The following KAZN variants were observed in gnomAD, a reference collection of about 807,000 sequenced individuals.
KAZN encodes the protein kazrin.
A neutral mutation model predicts 87.4 loss-of-function variants in KAZN; 40 were observed. The ratio of observed to expected loss-of-function variants is 0.46; its 90% CI spans 0.36 to 0.60. KAZN has a LOEUF of 0.60. KAZN is among the 20% of genes least tolerant of loss of function. KAZN has a pLI of 0.00. For missense variants in KAZN, 898 were observed against 1,073.9 expected, an observed-to-expected ratio of 0.84 and a Z score of 2.29; for synonymous variants, 466 against 458.3, an observed-to-expected ratio of 1.02 and a Z score of -0.22.
chr1:13,972,334 C>T (rs557144366), intron 1 of KAZN, among the ~76,000 whole-genome samples: 6 of 147,206 alleles, frequency 4.1e-5, no homozygotes, highest in African/African-American at 7.6e-5. Flanking sequence ...AGTGCAGTGG[C>T]GCTATCTTGG....
At chr1:13,972,561 C>T (rs765176973) in intron 1 of KAZN, among the ~76,000 whole-genome samples, 8 of 152,156 alleles carry the variant, frequency 5.3e-5, no homozygotes, top group Non-Finnish European at 1.0e-4. Flanking sequence ...ATTTCTATAA[C>T]ACCAGGATTA....
intron 2 of KAZN, among the ~76,000 whole-genome samples, chr1:14,533,363 CA>C (rs1368627049): frequency 6.6e-6 from 1 of 152,186 alleles, no homozygotes; most frequent in Non-Finnish European, 1.5e-5. Context: ...TAGTTAAAGG[CA>C]GCAGAAACTT....
At chr1:14,632,924 AT>A (rs771100638) in intron 1 of KAZN, among the ~76,000 whole-genome samples, 6 of 114,060 alleles carry the variant, frequency 5.3e-5, no homozygotes, top group South Asian at 5.6e-4. Context: ...CACTTTATTT[AT>A]TTTTTTTTTG....
At chr1:14,131,282 A>G (rs10754910) in intron 1 of KAZN, among the ~76,000 whole-genome samples, 86,871 of 152,068 alleles carry the variant, frequency 0.57, 26,063 homozygotes, top group East Asian at 0.76. Context: ...ATGAGATTTG[A>G]GTGGGGACAC....
intron 2 of KAZN, among the ~76,000 whole-genome samples, chr1:14,306,832 AC>A (rs1654964834): frequency 2.6e-5 from 4 of 152,290 alleles, no homozygotes; most frequent in Non-Finnish European, 5.9e-5. Context: ...ACCTACAGAG[AC>A]GCCTTCACAA....
At chr1:14,764,500 C>T (rs1644835896) in intron 1 of KAZN, among the ~76,000 whole-genome samples, 5 of 142,710 alleles carry the variant, frequency 3.5e-5, no homozygotes, top group African/African-American at 1.4e-4. Flanking sequence ...CGCCCCTCTG[C>T]CCCCCCATAG....
chr1:14,577,115 T>C (rs1675240001), intron 2 of KAZN, among the ~76,000 whole-genome samples: 1 of 152,234 alleles, frequency 6.6e-6, no homozygotes, highest in Non-Finnish European at 1.5e-5. Flanking sequence ...ACATTTCTTT[T>C]AAGGTTTGTC....
Position 15,094,732 on chromosome 1 carries a change from C to G in KAZN, c.1429-83C>G, listed in dbSNP as rs866957440. 9.3e-6 allele frequency: 9 copies of G among 969,016 alleles called. No individual in the cohort carries two copies. The Middle Eastern group carries it at 9.1e-4, about 98-fold the overall frequency. 60.0% of individuals were successfully genotyped at this position (969,016 alleles called of 1,614,324 possible). On this transcript the variant is annotated intron_variant, in intron 9 of 14. Transcript: ENST00000376030. The surrounding 1 kb of genome is among the most constrained non-coding windows in gnomAD (Gnocchi z 4.5). Reference sequence around the variant, plus strand: ...GGTGGGCAGGAGATGGGGAAGGAGCCCCATGTCAACAGACCCCCTCTAGGG... The same window carrying G: ...GGTGGGCAGGAGATGGGGAAGGAGCGCCATGTCAACAGACCCCCTCTAGGG...
intron 1 of KAZN, among the ~76,000 whole-genome samples, chr1:14,002,749 G>C (rs1226713567): frequency 6.6e-6 from 1 of 152,204 alleles, no homozygotes; most frequent in Non-Finnish European, 1.5e-5. Context: ...CTTTTACGCT[G>C]TTGGTGGGAA....
At chr1:14,217,093 A>G (rs1646973481) in intron 2 of KAZN, among the ~76,000 whole-genome samples, 1 of 152,108 alleles carries the variant, frequency 6.6e-6, no homozygotes, top group Non-Finnish European at 1.5e-5. Flanking sequence ...GCTCTTATAA[A>G]AGGGAAAGTT....
At position 15,092,038 on chromosome 1, in the gene KAZN, T is replaced by A. The variant is rs533624265; in HGVS notation, c.1223-2142T>A. On this transcript the variant is annotated intron_variant, in intron 8 of 14. Coordinates refer to ENST00000376030, the MANE Select transcript of KAZN (RefSeq NM_201628.3). ...TATTGAATTTCAGCAGGGTCATTTC[T>A]AATCAGAGGTTTTGTTTTTTTGTTT... 1.1e-4 allele frequency among the ~76,000 whole-genome samples: 16 copies of A among 151,016 alleles called. No individual in the cohort carries two copies. In the South Asian group the frequency reaches 3.4e-3, roughly 32 times the overall value.
At chr1:14,577,818 GA>G (rs1375199035) in intron 2 of KAZN, among the ~76,000 whole-genome samples, 3 of 152,166 alleles carry the variant, frequency 2.0e-5, no homozygotes, top group African/African-American at 7.2e-5. Flanking sequence ...AACCCTAGGA[GA>G]GGCAAGGCCA....
chr1:14,905,207 C>T (rs1000406902), intron 1 of KAZN, among the ~76,000 whole-genome samples: 5 of 152,174 alleles, frequency 3.3e-5, no homozygotes, highest in Non-Finnish European at 7.3e-5. Context: ...TACAGGCACA[C>T]ACCACATGCT....
intron 1 of KAZN, among the ~76,000 whole-genome samples, chr1:14,679,791 T>A (rs1405774406): frequency 6.6e-6 from 1 of 152,052 alleles, no homozygotes; most frequent in African/African-American, 2.4e-5. Context: ...CGGATAGGCA[T>A]CAGGTTTTGA....
chr1:14,280,179 G>A (rs1440321556), intron 2 of KAZN, among the ~76,000 whole-genome samples: 5 of 151,640 alleles, frequency 3.3e-5, no homozygotes, highest in Non-Finnish European at 4.4e-5. Context: ...TGGCTAACAC[G>A]GTGAAGCCCC....
At chr1:13,898,108 G>C (rs530323963) in intron 1 of KAZN, among the ~76,000 whole-genome samples, 3 of 152,336 alleles carry the variant, frequency 2.0e-5, no homozygotes, top group Admixed American at 1.3e-4. Context: ...GTAATATTCA[G>C]AAACATACAG....
intron 2 of KAZN, among the ~76,000 whole-genome samples, chr1:14,277,192 C>A (rs754773127): frequency 3.3e-5 from 5 of 152,084 alleles, no homozygotes; most frequent in Non-Finnish European, 5.9e-5. Context: ...AACGTATGGC[C>A]AATTGTATTT....
intron 1 of KAZN, among the ~76,000 whole-genome samples, chr1:14,945,355 G>T (rs1053791391): frequency 3.3e-5 from 5 of 152,220 alleles, no homozygotes; most frequent in Admixed American, 2.6e-4. Flanking sequence ...GTGGGAAAAC[G>T]TCCCAGGCCG....
intron 2 of KAZN, among the ~76,000 whole-genome samples, chr1:14,445,490 T>G (rs1052773155): frequency 6.6e-6 from 1 of 152,152 alleles, no homozygotes. Context: ...CTGGAATTGA[T>G]TCTTCCCTAC....
Sources: allele counts gnomAD v4.1 joint callset (sites outside exome capture counted in the v4.1 genomes callset), GRCh38; gene constraint gnomAD v4.1.1; non-coding constraint Gnocchi (gnomAD v3.1); transcripts MANE v1.5; gene names NCBI Gene and HGNC (gene_info 2026-07-23, HGNC 2026-07-21).